ARL15: variants seen among roughly 807,000 people sequenced by gnomAD.
ARL15 encodes ARF like GTPase 15.
In ARL15, 19 loss-of-function variants were observed where a neutral mutation model predicts 25.2. That is an observed-to-expected ratio of 0.75 (90% CI 0.53 to 1.10). The LOEUF (loss-of-function observed/expected upper bound fraction) is 1.10. Among genes scored for constraint, ARL15 ranks in the 50% least tolerant of loss-of-function variants. ARL15 has a pLI of 0.00. For synonymous variants in ARL15, 94 were observed against 86.8 expected (o/e 1.08, Z -0.46); for missense variants, 220 against 246.0 (o/e 0.89, Z 0.71).
At chr5:53,895,507 T>A (rs181515812) in intron 4 of ARL15, among the ~76,000 whole-genome samples, 1 of 152,218 alleles carries the variant, frequency 6.6e-6, no homozygotes, top group Admixed American at 6.5e-5. Flanking sequence ...AGGCAAGTGG[T>A]CAGTGACCTG....
At chr5:54,073,185 T>C (rs39883) in intron 4 of ARL15, among the ~76,000 whole-genome samples, 76,364 of 152,116 alleles carry the variant, frequency 0.5, 21,348 homozygotes, top group Non-Finnish European at 0.62. Context: ...GGATAAATTA[T>C]GCACATCTGG....
At chr5:53,978,318 T>G (rs1580135762) in intron 4 of ARL15, among the ~76,000 whole-genome samples, 1 of 152,162 alleles carries the variant, frequency 6.6e-6, no homozygotes, top group East Asian at 1.9e-4. Context: ...GGGACATAAC[T>G]CCTCAGTCAC....
intron 1 of ARL15, among the ~76,000 whole-genome samples, chr5:54,246,759 T>G (rs563570457): frequency 4.0e-5 from 6 of 151,270 alleles, no homozygotes; most frequent in Admixed American, 3.3e-4. Flanking sequence ...CACCTCCTGC[T>G]TAAGAGGCAA....
At chr5:54,045,892 G>A (rs1750494405) in intron 4 of ARL15, among the ~76,000 whole-genome samples, 2 of 152,176 alleles carry the variant, frequency 1.3e-5, no homozygotes, top group Non-Finnish European at 2.9e-5. Flanking sequence ...ACCTTCAATT[G>A]CTCTTAGTTT....
chr5:54,011,868 G>A (rs1358478779), intron 4 of ARL15, among the ~76,000 whole-genome samples: 2 of 152,084 alleles, frequency 1.3e-5, no homozygotes, highest in African/African-American at 2.4e-5. Flanking sequence ...AATTAGCTGC[G>A]TGTGGTGGCA....
At chr5:53,976,670 T>C (rs1381854693) in intron 4 of ARL15, among the ~76,000 whole-genome samples, 2 of 152,144 alleles carry the variant, frequency 1.3e-5, no homozygotes, top group Non-Finnish European at 2.9e-5. Context: ...GAGAAATGCA[T>C]TTGAGAGAAG....
chr5:54,185,228 G>A (rs1219732153), intron 1 of ARL15, among the ~76,000 whole-genome samples: 4 of 151,924 alleles, frequency 2.6e-5, no homozygotes, highest in African/African-American at 9.7e-5. Flanking sequence ...TTCTCTTTCC[G>A]GCTCCATGTC....
intron 4 of ARL15, among the ~76,000 whole-genome samples, chr5:53,899,072 C>A (rs904485668): frequency 4.6e-5 from 7 of 152,082 alleles, no homozygotes; most frequent in Non-Finnish European, 8.8e-5. Flanking sequence ...ACTGGCTGTG[C>A]GTCTTGGCTC....
At chr5:54,113,071 GA>G (rs1416696313) in intron 4 of ARL15, 130 bp downstream of exon 4, 1 of 889,598 alleles carries the variant, frequency 1.1e-6, no homozygotes, top group Non-Finnish European at 1.7e-6. Context: ...TGCTTCCTAT[GA>G]AAACTAAGGT....
intron 4 of ARL15, among the ~76,000 whole-genome samples, chr5:53,938,922 G>A (rs1047032020): frequency 2.6e-5 from 4 of 152,150 alleles, no homozygotes; most frequent in Admixed American, 6.5e-5. Context: ...CCATATTAGC[G>A]TCAGTTTACG....
intron 1 of ARL15, among the ~76,000 whole-genome samples, chr5:54,273,245 A>T (rs565230874): frequency 5.0e-4 from 76 of 152,338 alleles, no homozygotes; most frequent in African/African-American, 1.7e-3. Context: ...GGGTAAAGCC[A>T]GAAATTACCA....
chr5:53,911,577 G>A (rs891161017), intron 4 of ARL15, among the ~76,000 whole-genome samples: 18 of 151,994 alleles, frequency 1.2e-4, no homozygotes, highest in Non-Finnish European at 2.5e-4. Flanking sequence ...GACAGGTGGT[G>A]TTTGGTCACA....
At chr5:53,989,606 T>A (rs1189351204) in intron 4 of ARL15, among the ~76,000 whole-genome samples, 2 of 152,002 alleles carry the variant, frequency 1.3e-5, no homozygotes, top group African/African-American at 4.8e-5. Flanking sequence ...TGTGTATGGG[T>A]GTGTGTATCC....
intron 4 of ARL15, among the ~76,000 whole-genome samples, chr5:53,901,864 G>C (rs953720337): frequency 1.3e-5 from 2 of 152,198 alleles, no homozygotes; most frequent in African/African-American, 4.8e-5. Flanking sequence ...CTTAGACTGG[G>C]ATGGCTAGAT....
In ARL15 at chr5:54,126,884, T is replaced by C. The variant is rs939132316; in HGVS notation, c.254-13474A>G. Among the ~76,000 whole-genome samples the C allele has an allele frequency of 2.6e-5, 4 of 152,246 alleles. No individual in the cohort carries two copies. The South Asian group carries it at 8.3e-4, about 32-fold the overall frequency. On this transcript the variant is annotated intron_variant, in intron 3 of 4. Coordinates refer to ENST00000504924, the MANE Select transcript of ARL15 (RefSeq NM_019087.3). ...TATTATTATACTTTAAGTTTTAGGG[T>C]ACATGTGCACAATGTGCAGGTTAGT...
At chr5:54,085,912 C>A (rs903901656) in intron 4 of ARL15, among the ~76,000 whole-genome samples, 1 of 144,114 alleles carries the variant, frequency 6.9e-6, no homozygotes, top group African/African-American at 2.7e-5. Context: ...AGGCACCACA[C>A]ATGAGCTTTT....
At chr5:54,053,141 C>T (rs895474128) in intron 4 of ARL15, among the ~76,000 whole-genome samples, 1 of 152,154 alleles carries the variant, frequency 6.6e-6, no homozygotes, top group African/African-American at 2.4e-5. Flanking sequence ...ATCCTAGCTA[C>T]TTGGTAGGCT....
At chr5:53,898,998 C>T (rs1487792716) in intron 4 of ARL15, among the ~76,000 whole-genome samples, 2 of 152,136 alleles carry the variant, frequency 1.3e-5, no homozygotes, top group African/African-American at 4.8e-5. Context: ...CTTCTTTCAT[C>T]CCTAATTTTA....
intron 1 of ARL15, among the ~76,000 whole-genome samples, chr5:54,177,422 T>G (rs1475450847): frequency 6.6e-6 from 1 of 152,140 alleles, no homozygotes; most frequent in Non-Finnish European, 1.5e-5. Flanking sequence ...GGAAGGTGAC[T>G]ACAAATATTG....
Sources: gnomAD v4.1 joint callset for allele counts (sites outside exome capture counted in the v4.1 genomes callset) on GRCh38, gnomAD v4.1.1 for gene constraint, MANE v1.5 for transcripts, NCBI Gene and HGNC (gene_info 2026-07-23, HGNC 2026-07-21) for gene names.